The following DNMBP variants were observed in gnomAD, a reference collection of about 807,000 sequenced individuals.
DNMBP encodes the protein dynamin-binding protein.
In DNMBP, 87 loss-of-function variants were observed where a neutral mutation model predicts 150.0. The ratio of observed to expected loss-of-function variants is 0.58; its 90% CI spans 0.49 to 0.69. DNMBP has a LOEUF of 0.69. Ranked by LOEUF, DNMBP falls within the 30% of genes least tolerant of loss-of-function variation. DNMBP has a pLI of 0.00. For synonymous variants in DNMBP, 711 were observed against 750.4 expected (o/e 0.95, Z 0.86); for missense variants, 1,774 against 1,949.0 (o/e 0.91, Z 1.69).
At position 99,972,146 on chromosome 10, in the gene DNMBP, G is replaced by A. The variant is rs772163330; in HGVS notation, c.-10-12C>T. 1 of 1,597,554 alleles carries A rather than the reference G, an allele frequency of 6.3e-7. No individual in the cohort carries two copies. The highest frequency in any genetic ancestry group is 1.1e-5 in the South Asian group (1 of 88,298). The stretch of plus-strand genomic sequence containing the variant: ...CCATGTTTTATAACCTGGAAAGATA[G>A]ATCAAGAGAAATAGAAAACATCAAT... On this transcript the variant is annotated splice_polypyrimidine_tract_variant and intron_variant, in intron 1 of 16. Coordinates refer to ENST00000324109, the MANE Select transcript of DNMBP (RefSeq NM_015221.4).
At chr10:99,987,621 C>G (rs1250162045) in intron 1 of DNMBP, among the ~76,000 whole-genome samples, 1 of 151,938 alleles carries the variant, frequency 6.6e-6, no homozygotes. Flanking sequence ...GTAGTCCCAG[C>G]TACTTGGGAG....
At position 99,876,910 on chromosome 10, in the gene DNMBP, CAT is replaced by C. The variant is rs1789729632; in HGVS notation, c.*239_*240del. 3 of 418,742 alleles carry C rather than the reference CAT, an allele frequency of 7.2e-6. No individual in the cohort carries two copies. The South Asian group carries it at 1.6e-4, about 22-fold the overall frequency. The allele number at this position is 418,742 out of a possible 1,614,324, so 25.9% of individuals were successfully genotyped here. A position where few individuals can be genotyped will look rare whatever the true frequency, so the allele number is the denominator to read the frequency against. The stretch of plus-strand genomic sequence containing the variant: ...CAGCTCTAAGACTTGTCTCTCTTCT[CAT>C]AGTCACTAAGTCATTTGCAAAGCCC... On this transcript the variant is annotated 3_prime_UTR_variant, in exon 17 of 17. Transcript: ENST00000324109.
chr10:99,954,091 G>A (rs1446164623), intron 4 of DNMBP, among the ~76,000 whole-genome samples: 1 of 151,850 alleles, frequency 6.6e-6, no homozygotes, highest in Non-Finnish European at 1.5e-5. Context: ...GGAGAGCAGT[G>A]GCATGATCAT....
intron 4 of DNMBP, chr10:99,929,904 G>T (rs1465225568): frequency 2.8e-6 from 2 of 702,920 alleles, no homozygotes; most frequent in Non-Finnish European, 5.2e-6. Flanking sequence ...TTGATGGAGA[G>T]AATCTGTCCC....
chr10:99,973,930 G>A lies in DNMBP; in HGVS notation c.-10-1796C>T, dbSNP rs140264086. ...TGGGAGGCCGAGGTTGCAGTGAGCCGAGATCATGCCATTCATTGCATTCCA... is the reference window on the plus strand; with the variant it reads ...TGGGAGGCCGAGGTTGCAGTGAGCCAAGATCATGCCATTCATTGCATTCCA... On this transcript the variant is annotated intron_variant, in intron 1 of 16. Transcript: ENST00000324109. Among the ~76,000 whole-genome samples the A allele has an allele frequency of 7.3e-4, 111 of 152,232 alleles. 1 individual carries two copies. The highest frequency in any genetic ancestry group is 7.2e-4 in the Admixed American group (11 of 15,278).
At chr10:99,936,675 T>C (rs565586725) in intron 4 of DNMBP, among the ~76,000 whole-genome samples, 1 of 152,230 alleles carries the variant, frequency 6.6e-6, no homozygotes. Flanking sequence ...ATTACGTGCC[T>C]TTTGGATTCT....
intron 4 of DNMBP, among the ~76,000 whole-genome samples, chr10:99,943,078 C>T (rs561452542): frequency 7.2e-5 from 11 of 152,166 alleles, no homozygotes; most frequent in Admixed American, 5.2e-4. Context: ...TGAGGTCAGG[C>T]GTTCGAGACT....
chr10:99,890,739 C>T (rs746297800), intron 11 of DNMBP, among the ~76,000 whole-genome samples: 16 of 152,154 alleles, frequency 1.1e-4, no homozygotes, highest in African/African-American at 2.4e-4. Flanking sequence ...CTCCACCTCC[C>T]GGCGTCAAGC....
intron 13 of DNMBP, 133 bp from the exon 14 acceptor site, chr10:99,885,999 C>G (rs926219871): frequency 1.1e-6 from 1 of 934,422 alleles, no homozygotes; most frequent in East Asian, 2.6e-5. Flanking sequence ...TAAAGTTCAG[C>G]TGCAGCTCAT....
At chr10:100,000,829 T>G (rs1234019795) in intron 1 of DNMBP, among the ~76,000 whole-genome samples, 1 of 144,734 alleles carries the variant, frequency 6.9e-6, no homozygotes, top group Non-Finnish European at 1.5e-5. Flanking sequence ...AGGCAGACCA[T>G]TGTGTTTTAG....
chr10:99,953,448 C>A (rs1368767112), intron 4 of DNMBP, among the ~76,000 whole-genome samples: 1 of 151,942 alleles, frequency 6.6e-6, no homozygotes, highest in Non-Finnish European at 1.5e-5. Context: ...ATCATTGTAC[C>A]TTTAGGGTAG....
At position 99,915,108 on chromosome 10, in the gene DNMBP, A is replaced by AAATATATATATATATAT. The variant is rs10654940; in HGVS notation, c.2261-5963_2261-5962insATATATATATATATATT. On this transcript the variant is annotated intron_variant, in intron 4 of 16. Coordinates refer to ENST00000324109, the MANE Select transcript of DNMBP (RefSeq NM_015221.4). Reference sequence around the variant, plus strand: ...AAACTCTGTCTCAAAAAAAAAAAAAAATATATATATATATATATATACACA... The same window carrying AAATATATATATATATAT: ...AAACTCTGTCTCAAAAAAAAAAAAAAAATATATATATATATATATATATATATATATATATATACACA... Among the ~76,000 whole-genome samples, 22 of 99,798 alleles carry AAATATATATATATATAT rather than the reference A, an allele frequency of 2.2e-4. 1 individual carries two copies. The highest frequency in any genetic ancestry group is 9.3e-4 in the African/African-American group (21 of 22,668). The allele number at this position is 99,798 out of a possible 152,430, so 65.5% of individuals were successfully genotyped here.
intron 12 of DNMBP, among the ~76,000 whole-genome samples, chr10:99,887,092 C>T (rs1159210384): frequency 1.4e-5 from 2 of 143,636 alleles, no homozygotes; most frequent in Non-Finnish European, 3.0e-5. Flanking sequence ...AGGTAATACC[C>T]ATTTTTTTTT....
At position 99,891,421 on chromosome 10, in the gene DNMBP, A is replaced by AGCCTCG. The variant is rs1380344885; in HGVS notation, c.3157-2474_3157-2469dup. On this transcript the variant is annotated intron_variant, in intron 11 of 16. Coordinates refer to ENST00000324109, the MANE Select transcript of DNMBP (RefSeq NM_015221.4). ...AGCCCCTAACCGCGAGTGATCCGCCAGCCTCGGCCTCCCGAGGTGCCGGGA... is the reference window on the plus strand; with the variant it reads ...AGCCCCTAACCGCGAGTGATCCGCCAGCCTCGGCCTCGGCCTCCCGAGGTGCCGGGA... 1.6e-3 allele frequency among the ~76,000 whole-genome samples: 250 copies of AGCCTCG among 151,940 alleles called. 2 individuals carry two copies. Among genetic ancestry groups the AGCCTCG allele is most frequent in the African/African-American group, 5.6e-3 (234 of 41,416 alleles).
chr10:99,933,881 C>T lies in DNMBP; in HGVS notation c.2260+21333G>A, dbSNP rs536269505. On this transcript the variant is annotated intron_variant, in intron 4 of 16. Coordinates refer to ENST00000324109, the MANE Select transcript of DNMBP (RefSeq NM_015221.4). ...CCTCCGCAGCAGCTGGGACTACAGG[C>T]GCCCGCCACCATGCCCGGCTAAAGT... is the stretch of plus-strand genomic sequence containing the variant. 9.2e-4 allele frequency among the ~76,000 whole-genome samples: 140 copies of T among 152,294 alleles called. 1 individual carries two copies. The highest frequency in any genetic ancestry group is 3.2e-3 in the African/African-American group (133 of 41,562).
chr10:99,960,018 T>C (rs1025002203), intron 3 of DNMBP, among the ~76,000 whole-genome samples: 38 of 152,220 alleles, frequency 2.5e-4, no homozygotes, highest in African/African-American at 8.7e-4. Context: ...GTACCAATAA[T>C]CACCACTTTT....
intron 3 of DNMBP, chr10:99,957,461 T>C: frequency 1.9e-6 from 1 of 535,996 alleles, no homozygotes; most frequent in Non-Finnish European, 3.3e-6. Context: ...TCAAAACCAT[T>C]CTCATAATAA....
chr10:99,899,235 C>T (rs189140078), intron 7 of DNMBP, among the ~76,000 whole-genome samples: 8 of 152,118 alleles, frequency 5.3e-5, no homozygotes, highest in Non-Finnish European at 1.0e-4. Flanking sequence ...TAGCCCCTAA[C>T]TTCTCTTTGA....
intron 1 of DNMBP, among the ~76,000 whole-genome samples, chr10:100,006,356 A>G (rs2041070995): frequency 6.6e-6 from 1 of 152,136 alleles, no homozygotes; most frequent in Non-Finnish European, 1.5e-5. Flanking sequence ...TAGAAATAAT[A>G]CCCTGCACTA....
Sources: gnomAD v4.1 joint callset for allele counts (sites outside exome capture counted in the v4.1 genomes callset) on GRCh38, gnomAD v4.1.1 for gene constraint, MANE v1.5 for transcripts, NCBI Gene and HGNC (gene_info 2026-07-23, HGNC 2026-07-21) for gene names.